The following AGK variants were observed in gnomAD, a reference collection of about 807,000 sequenced individuals.
The protein encoded by AGK is acylglycerol kinase.
Under a neutral mutation model 66.4 loss-of-function variants are expected in AGK, and 52 were observed. That is an observed-to-expected ratio of 0.78 (90% CI 0.63 to 0.99). The LOEUF is 0.99. AGK is among the 50% of genes least tolerant of loss of function. The pLI is 0.00. For missense variants in AGK, 451 were observed against 506.6 expected, an observed-to-expected ratio of 0.89 and a Z score of 1.05; for synonymous variants, 182 against 181.1, an observed-to-expected ratio of 1.00 and a Z score of -0.04.
rs1795178791 is a variant in AGK, at chr7:141,555,068, T to TA, written c.-14-382dup. Among the ~76,000 whole-genome samples the TA allele has an allele frequency of 6.6e-6, 1 of 152,206 alleles. No individual in the cohort carries two copies. Among genetic ancestry groups the TA allele is most frequent in the Admixed American group, 6.5e-5 (1 of 15,278 alleles). The stretch of plus-strand genomic sequence containing the variant: ...TGATGGATAGACAAATGTATACTCT[T>TA]AAACAGTGGTACAGTGAGGCTGTAA... On this transcript the variant is annotated intron_variant, in intron 1 of 15. Transcript: ENST00000649286. The surrounding 1 kb of genome is among the most constrained non-coding windows in gnomAD (Gnocchi z 4.2).
At chr7:141,576,251 A>C (rs1795735126) in intron 2 of AGK, among the ~76,000 whole-genome samples, 1 of 152,140 alleles carries the variant, frequency 6.6e-6, no homozygotes, top group Non-Finnish European at 1.5e-5. Context: ...CTTCTATAGA[A>C]GGGTGTGATT....
chr7:141,645,491 T>G (rs1797391064), intron 13 of AGK, among the ~76,000 whole-genome samples: 9 of 152,190 alleles, frequency 5.9e-5, no homozygotes, highest in Admixed American at 5.9e-4. Flanking sequence ...GTGCAAGGTT[T>G]GTTTTCTCTC....
At chr7:141,623,382 A>G (rs76079458) in intron 9 of AGK, among the ~76,000 whole-genome samples, 1 of 150,192 alleles carries the variant, frequency 6.7e-6, no homozygotes, top group South Asian at 2.1e-4. Flanking sequence ...TTTTTCTCAA[A>G]AAAAAAAAAA....
chr7:141,624,437 T>A lies in AGK; in HGVS notation c.588+2636T>A, dbSNP rs572553537. On this transcript the variant is annotated intron_variant, in intron 9 of 15. Coordinates refer to ENST00000649286, the MANE Select transcript of AGK (RefSeq NM_018238.4). The stretch of plus-strand genomic sequence containing the variant: ...AAATTGAAAACCTTCTGGAAACGAT[T>A]CACCATTCTAGATGCCATTAAGAAC... Among the ~76,000 whole-genome samples, 4 of 152,280 alleles carry A rather than the reference T, an allele frequency of 2.6e-5. No homozygotes were observed. In the East Asian group the frequency reaches 7.7e-4, roughly 29 times the overall value.
chr7:141,630,369 T>C (rs1797029193), intron 9 of AGK, among the ~76,000 whole-genome samples: 1 of 152,130 alleles, frequency 6.6e-6, no homozygotes, highest in African/African-American at 2.4e-5. Context: ...GTGACTATAG[T>C]TGATAATAAC....
Position 141,607,225 on chromosome 7 carries a change from G to A in AGK, c.298-3970G>A, listed in dbSNP as rs1796482826. 2.6e-5 allele frequency among the ~76,000 whole-genome samples: 4 copies of A among 152,240 alleles called. No individual in the cohort carries two copies. In the South Asian group the frequency reaches 8.3e-4, roughly 32 times the overall value. ...GATAAGACTATGTTTGGTTTTATCG[G>A]AAACTGCCGTTCAAAGTGGCTGTAC... On this transcript the variant is annotated intron_variant, in intron 5 of 15. Coordinates refer to ENST00000649286, the MANE Select transcript of AGK (RefSeq NM_018238.4).
chr7:141,563,573 C>A (rs1183969880), intron 2 of AGK, among the ~76,000 whole-genome samples: 1 of 152,196 alleles, frequency 6.6e-6, no homozygotes, highest in Non-Finnish European at 1.5e-5. Context: ...CTTTCCTTGA[C>A]TTCTTCTGTA....
Position 141,585,111 on chromosome 7 carries a change from T to G in AGK, c.102-8035T>G, listed in dbSNP as rs565430757. 1.5e-4 allele frequency among the ~76,000 whole-genome samples: 23 copies of G among 152,306 alleles called. 1 individual carries two copies. The South Asian group carries it at 4.8e-3, about 32-fold the overall frequency. On this transcript the variant is annotated intron_variant, in intron 2 of 15. Transcript: ENST00000649286. ...TTAAAAATCATTAACATTTTCATTGTTCCCTTGGCTTTCTGACCTGTTACA... is the reference window on the plus strand; with the variant it reads ...TTAAAAATCATTAACATTTTCATTGGTCCCTTGGCTTTCTGACCTGTTACA...
At chr7:141,620,495 G>A (rs1169325315) in intron 8 of AGK, among the ~76,000 whole-genome samples, 1 of 150,194 alleles carries the variant, frequency 6.7e-6, no homozygotes, top group Non-Finnish European at 1.5e-5. Flanking sequence ...GTAGGACATA[G>A]GGCAAACTGC....
intron 2 of AGK, chr7:141,562,242 G>A: frequency 6.6e-6 from 3 of 451,736 alleles, no homozygotes; most frequent in Non-Finnish European, 1.3e-5. Flanking sequence ...CTTCTCGGGA[G>A]CAGTGTTACT....
rs564393865 is a variant in AGK at position 141,582,776 on chromosome 7, T to G, written c.102-10370T>G. Among the ~76,000 whole-genome samples, 50 of 151,946 alleles carry G rather than the reference T, an allele frequency of 3.3e-4. 1 individual carries two copies. The highest frequency in any genetic ancestry group is 1.1e-3 in the African/African-American group (47 of 41,296). ...GAGAGCTAGCCATGGAACGAAACTGTAAGCCAGACCGGGTGTGAGGAGGGG... is the reference window on the plus strand; with the variant it reads ...GAGAGCTAGCCATGGAACGAAACTGGAAGCCAGACCGGGTGTGAGGAGGGG... On this transcript the variant is annotated intron_variant, in intron 2 of 15. Coordinates refer to ENST00000649286, the MANE Select transcript of AGK (RefSeq NM_018238.4).
In AGK at chr7:141,636,945, T is replaced by C. The variant is rs1233707550; in HGVS notation, c.669-15T>C. The C allele has an allele frequency of 1.2e-6, 2 of 1,608,470 alleles. No individual in the cohort carries two copies. The highest frequency in any genetic ancestry group is 1.7e-6 in the Non-Finnish European group (2 of 1,176,116). Reference sequence around the variant, plus strand: ...TTGATATTCTTATCAGATTTTTATCTTGGTCTTTTCACAGGTACTGGTATC... The same window carrying C: ...TTGATATTCTTATCAGATTTTTATCCTGGTCTTTTCACAGGTACTGGTATC... On this transcript the variant is annotated splice_polypyrimidine_tract_variant and intron_variant, in intron 10 of 15. Transcript: ENST00000649286.
chr7:141,650,737 G>A (rs1363864099), intron 14 of AGK: 28 of 937,942 alleles, frequency 3.0e-5, no homozygotes, highest in East Asian at 1.2e-4. Flanking sequence ...AGTAGACCGC[G>A]TTATAAATAC....
intron 2 of AGK, among the ~76,000 whole-genome samples, chr7:141,586,122 A>G (rs1267945787): frequency 6.6e-6 from 1 of 152,004 alleles, no homozygotes; most frequent in African/African-American, 2.4e-5. Context: ...CTACAGGGCC[A>G]CTTCTTGTGG....
At chr7:141,626,027 A>G (rs1386460695) in intron 9 of AGK, among the ~76,000 whole-genome samples, 2 of 152,236 alleles carry the variant, frequency 1.3e-5, no homozygotes. Flanking sequence ...CTTAGAAGCA[A>G]TGATACCTAA....
intron 14 of AGK, among the ~76,000 whole-genome samples, chr7:141,650,898 A>G (rs1245728910): frequency 1.3e-5 from 2 of 152,218 alleles, no homozygotes; most frequent in African/African-American, 4.8e-5. Context: ...TCTCTAGATT[A>G]CTTATAATAC....
chr7:141,652,852 G>A lies in AGK; in HGVS notation c.1197G>A (p.Leu399=), dbSNP rs139412235. The A allele has an allele frequency of 5.4e-5, 87 of 1,613,828 alleles. No individual in the cohort carries two copies. Among genetic ancestry groups the A allele is most frequent in the South Asian group, 4.5e-4 (41 of 91,068 alleles). The change falls in exon 16 of 16, where the codon CTG becomes CTA. Residue 399 remains leucine (L), a synonymous_variant. Coordinates refer to ENST00000649286, the MANE Select transcript of AGK (RefSeq NM_018238.4). ...EYEAMPVEVK[L]LPRKLQFFCD... ...AAGCGATGCCTGTGGAGGTGAAACT[G>A]CTCCCCAGGAAGCTGCAGTTCTTCT...
Position 141,649,333 on chromosome 7 carries a change from G to A in AGK, c.1046G>A (p.Gly349Glu). 6.2e-7 allele frequency: 1 copy of A among 1,608,354 alleles called. No individual in the cohort carries two copies. The highest frequency in any genetic ancestry group is 8.5e-7 in the Non-Finnish European group (1 of 1,175,252). ...AGCAAAGGAGACTTTATAACTATAG[G>A]GTAAGTGGACTGGGGTTCACAGGAA... Reference protein sequence around the residue: ...TISKGDFITIGSRKVRNPKLH... With the variant: ...TISKGDFITIESRKVRNPKLH... The change falls in exon 14 of 16, where the codon GGA becomes GAA. Residue 349 changes from glycine to glutamate, a missense_variant and splice_region_variant. Physicochemically the swap from Gly to Glu is moderately conservative, Grantham distance 98. Transcript: ENST00000649286.
chr7:141,570,353 C>T (rs1439391182), intron 2 of AGK, among the ~76,000 whole-genome samples: 1 of 152,136 alleles, frequency 6.6e-6, no homozygotes, highest in Non-Finnish European at 1.5e-5. Context: ...CGCCATTGCA[C>T]TCCAGCCTGG....
Sources: gnomAD v4.1 joint callset for allele counts (sites outside exome capture counted in the v4.1 genomes callset) on GRCh38, gnomAD v4.1.1 for gene constraint, Gnocchi (gnomAD v3.1) non-coding constraint, MANE v1.5 for transcripts, NCBI Gene and HGNC (gene_info 2026-07-23, HGNC 2026-07-21) for gene names.